Variants in RPH3A observed in about 807,000 individuals in gnomAD.
RPH3A encodes rabphilin-3A.
In RPH3A, 48 loss-of-function variants were observed where a neutral mutation model predicts 102.2. That is an observed-to-expected ratio of 0.47 (90% CI 0.37 to 0.60). The LOEUF (loss-of-function observed/expected upper bound fraction) is 0.60, where lower values mean the gene tolerates loss of function less well. Among genes scored for constraint, RPH3A ranks in the 20% least tolerant of loss-of-function variants. RPH3A has a pLI of 0.00. For synonymous variants in RPH3A, 310 were observed against 324.3 expected (o/e 0.96, Z 0.47); for missense variants, 781 against 910.1 (o/e 0.86, Z 1.83).
chr12:112,807,841 C>T (rs1162891488), intron 2 of RPH3A, among the ~76,000 whole-genome samples: 1 of 151,998 alleles, frequency 6.6e-6, no homozygotes, highest in African/African-American at 2.4e-5. Flanking sequence ...AGAACTCTGC[C>T]TCCTCCTTCT....
At chr12:112,692,409 C>A (rs2040312975) in intron 1 of RPH3A, among the ~76,000 whole-genome samples, 1 of 152,096 alleles carries the variant, frequency 6.6e-6, no homozygotes, top group Admixed American at 6.5e-5. Context: ...ATCAAATCAG[C>A]ATTATATATC....
chr12:112,629,439 T>C (rs1473294794), intron 1 of RPH3A, among the ~76,000 whole-genome samples: 3 of 150,782 alleles, frequency 2.0e-5, no homozygotes, highest in African/African-American at 7.3e-5. Context: ...AACTATATTA[T>C]GACACAATAG....
At chr12:112,636,312 C>T (rs1265917225) in intron 1 of RPH3A, among the ~76,000 whole-genome samples, 1 of 152,140 alleles carries the variant, frequency 6.6e-6, no homozygotes, top group Non-Finnish European at 1.5e-5. Flanking sequence ...TTTTATTGGC[C>T]AGAATTCAGT....
chr12:112,677,668 C>A (rs1471307513), intron 1 of RPH3A, among the ~76,000 whole-genome samples: 1 of 151,802 alleles, frequency 6.6e-6, no homozygotes, highest in East Asian at 1.9e-4. Context: ...GTTTCCTCTT[C>A]TGTAAAATGG....
chr12:112,815,890 T>C (rs1450371724), intron 2 of RPH3A, among the ~76,000 whole-genome samples: 1 of 152,216 alleles, frequency 6.6e-6, no homozygotes, highest in Non-Finnish European at 1.5e-5. Context: ...GTTAACAGCA[T>C]GACAAAAGCA....
intron 1 of RPH3A, among the ~76,000 whole-genome samples, chr12:112,777,166 G>A (rs2136075921): frequency 6.6e-6 from 1 of 152,288 alleles, no homozygotes; most frequent in East Asian, 1.9e-4. Context: ...ACTTCTTAGA[G>A]TTATTGTGAG....
intron 1 of RPH3A, among the ~76,000 whole-genome samples, chr12:112,612,724 C>A (rs188368696): frequency 3.3e-5 from 5 of 151,782 alleles, no homozygotes; most frequent in Admixed American, 6.6e-5. Context: ...ACTGCCATGC[C>A]CAGCTAATTT....
At chr12:112,859,968 G>A (rs866446579) in intron 5 of RPH3A, among the ~76,000 whole-genome samples, 4 of 152,192 alleles carry the variant, frequency 2.6e-5, no homozygotes, top group African/African-American at 7.2e-5. Flanking sequence ...GGGCACTGGC[G>A]TTTTTCTTAA....
At chr12:112,678,260 A>T (rs1327019032) in intron 1 of RPH3A, among the ~76,000 whole-genome samples, 1 of 66,196 alleles carries the variant, frequency 1.5e-5, no homozygotes, top group Non-Finnish European at 3.0e-5. Context: ...AAAGAAAGAA[A>T]GAAAGAAAGA....
In RPH3A at chr12:112,841,712, T is replaced by TTG. The variant is rs1555215085; in HGVS notation, c.83+5211_83+5212insGT. ...GAGTTTTTTTTGTTTTTTTGGTTTT[T>TTG]TTTTTTTTTCCATTGCATCCTAATA... On this transcript the variant is annotated intron_variant, in intron 4 of 21. Coordinates refer to ENST00000389385, the MANE Select transcript of RPH3A (RefSeq NM_001143854.2). 1.5e-3 allele frequency among the ~76,000 whole-genome samples: 222 copies of TTG among 151,124 alleles called. 4 individuals are homozygous for TTG. Among genetic ancestry groups the TTG allele is most frequent in the African/African-American group, 5.2e-3 (215 of 41,070 alleles).
At chr12:112,881,301 G>T (rs762897290) in intron 14 of RPH3A, among the ~76,000 whole-genome samples, 5 of 152,174 alleles carry the variant, frequency 3.3e-5, no homozygotes, top group Non-Finnish European at 5.9e-5. Context: ...TGAAGTCTTA[G>T]AAGAGAATGC....
chr12:112,803,219 G>T (rs894316327), intron 2 of RPH3A, among the ~76,000 whole-genome samples: 1 of 152,146 alleles, frequency 6.6e-6, no homozygotes, highest in Non-Finnish European at 1.5e-5. Context: ...CCTGCTTCCA[G>T]TGTTACATCA....
chr12:112,865,366 T>TGG, intron 5 of RPH3A, 48 bp from the exon 6 acceptor site: 3 of 1,602,268 alleles, frequency 1.9e-6, no homozygotes, highest in Non-Finnish European at 2.6e-6. Flanking sequence ...GGTATGCTGG[T>TGG]GGTCCCCAGT....
At chr12:112,883,732 A>T (rs114132766) in intron 16 of RPH3A, among the ~76,000 whole-genome samples, 229 of 152,256 alleles carry the variant, frequency 1.5e-3, no homozygotes, top group African/African-American at 5.4e-3. Flanking sequence ...ATTACAATAG[A>T]TCATCTCATT....
At chr12:112,839,799 C>A (rs1210577159) in intron 4 of RPH3A, among the ~76,000 whole-genome samples, 3 of 152,134 alleles carry the variant, frequency 2.0e-5, no homozygotes, top group Non-Finnish European at 4.4e-5. Context: ...ACCAGCCTGG[C>A]CAACATGGTG....
intron 4 of RPH3A, 150 bp from the exon 5 acceptor site, chr12:112,847,546 A>T: frequency 1.3e-6 from 1 of 796,976 alleles, no homozygotes; most frequent in Non-Finnish European, 2.0e-6. Context: ...CTAAGAGGGA[A>T]GTATGTGTGT....
intron 8 of RPH3A, 31 bp downstream of exon 8, chr12:112,868,626 C>T: frequency 6.2e-7 from 1 of 1,604,592 alleles, no homozygotes; most frequent in Non-Finnish European, 8.5e-7. Context: ...CTTTCAGGAC[C>T]AAGGACAGAT....
chr12:112,611,587 C>T (rs1432199853), intron 1 of RPH3A, among the ~76,000 whole-genome samples: 2 of 151,956 alleles, frequency 1.3e-5, no homozygotes, highest in Non-Finnish European at 2.9e-5. Context: ...TACAGGTGCG[C>T]ACCACCACGC....
intron 5 of RPH3A, among the ~76,000 whole-genome samples, chr12:112,857,759 G>A (rs557897129): frequency 7.2e-5 from 11 of 152,288 alleles, no homozygotes; most frequent in South Asian, 6.2e-4. Flanking sequence ...ACCTGCTGGC[G>A]TGCAATGGCA....
Sources: gnomAD v4.1 joint callset for allele counts (sites outside exome capture counted in the v4.1 genomes callset) on GRCh38, gnomAD v4.1.1 for gene constraint, MANE v1.5 for transcripts, NCBI Gene and HGNC (gene_info 2026-07-23, HGNC 2026-07-21) for gene names.